ZFPM2: variants seen among roughly 807,000 people sequenced by gnomAD.
ZFPM2 encodes the protein zinc finger protein, FOG family member 2.
A neutral mutation model predicts 98.6 loss-of-function variants in ZFPM2; 20 were observed. That is an observed-to-expected ratio of 0.20 (90% CI 0.14 to 0.29). The LOEUF (loss-of-function observed/expected upper bound fraction) is 0.29, where lower values mean the gene tolerates loss of function less well. Among genes scored for constraint, ZFPM2 ranks in the 10% least tolerant of loss-of-function variants. The pLI is 1.00. For missense variants in ZFPM2, 1,310 were observed against 1,388.6 expected, an observed-to-expected ratio of 0.94 and a Z score of 0.90; for synonymous variants, 518 against 502.7, an observed-to-expected ratio of 1.03 and a Z score of -0.41.
chr8:105,399,169 T>C (rs1811284334), intron 1 of ZFPM2, among the ~76,000 whole-genome samples: 1 of 152,136 alleles, frequency 6.6e-6, no homozygotes, highest in Non-Finnish European at 1.5e-5. Flanking sequence ...TTGTGGGCCA[T>C]GATATAGATT....
At chr8:105,511,983 TA>T (rs1183804204) in intron 3 of ZFPM2, among the ~76,000 whole-genome samples, 1 of 152,058 alleles carries the variant, frequency 6.6e-6, no homozygotes, top group African/African-American at 2.4e-5. Flanking sequence ...CCATCTCTAC[TA>T]AAAATACAAA....
chr8:105,635,909 A>G (rs1166471012), intron 5 of ZFPM2, among the ~76,000 whole-genome samples: 1 of 152,136 alleles, frequency 6.6e-6, no homozygotes, highest in Admixed American at 6.6e-5. Flanking sequence ...AGAGTGTTTC[A>G]GATTTCAGAT....
intron 5 of ZFPM2, among the ~76,000 whole-genome samples, chr8:105,705,052 G>T (rs1165147723): frequency 6.6e-6 from 1 of 152,058 alleles, no homozygotes; most frequent in Non-Finnish European, 1.5e-5. Flanking sequence ...ATATAATTAA[G>T]GGATTATGTT....
chr8:105,682,817 A>G (rs1264603032), intron 5 of ZFPM2, among the ~76,000 whole-genome samples: 3 of 152,138 alleles, frequency 2.0e-5, no homozygotes, highest in Admixed American at 2.0e-4. Flanking sequence ...CCCACTTCAC[A>G]TAAGTAGTTT....
intron 3 of ZFPM2, among the ~76,000 whole-genome samples, chr8:105,484,186 A>G (rs1813181280): frequency 6.6e-6 from 1 of 152,100 alleles, no homozygotes; most frequent in Admixed American, 6.5e-5. Context: ...AGCTTTAGAC[A>G]TTATTTCTTC....
intron 6 of ZFPM2, chr8:105,797,246 A>C (rs1275196742): frequency 6.6e-6 from 1 of 151,444 alleles, no homozygotes; most frequent in African/African-American, 2.5e-5. Context: ...TGAAGGGGGA[A>C]AAAACACACG....
chr8:105,354,846 C>T (rs557415524), intron 1 of ZFPM2, among the ~76,000 whole-genome samples: 2 of 152,078 alleles, frequency 1.3e-5, no homozygotes, highest in South Asian at 2.1e-4. Flanking sequence ...CCCACCTACT[C>T]GGGAGGCTGA....
intron 5 of ZFPM2, among the ~76,000 whole-genome samples, chr8:105,687,145 T>C (rs1345745905): frequency 6.6e-6 from 1 of 152,182 alleles, no homozygotes; most frequent in Non-Finnish European, 1.5e-5. Context: ...AACATGACTG[T>C]GGAAGCCACA....
At chr8:105,464,031 G>A (rs117708370) in intron 3 of ZFPM2, among the ~76,000 whole-genome samples, 3,762 of 152,058 alleles carry the variant, frequency 0.025, 66 homozygotes, top group Middle Eastern at 0.041. Flanking sequence ...TGAGGGCTTC[G>A]CAGTTTTGCA....
intron 3 of ZFPM2, among the ~76,000 whole-genome samples, chr8:105,536,740 C>A (rs1323460486): frequency 2.6e-5 from 4 of 152,062 alleles, no homozygotes; most frequent in African/African-American, 7.2e-5. Flanking sequence ...AGCATGGGGG[C>A]AGTCAGGGAA....
chr8:105,502,471 T>C (rs1031690676), intron 3 of ZFPM2, among the ~76,000 whole-genome samples: 1 of 152,082 alleles, frequency 6.6e-6, no homozygotes, highest in Non-Finnish European at 1.5e-5. Context: ...AAGTAGTGGC[T>C]ATCCCTAAAA....
At chr8:105,534,405 TCC>T (rs1025400328) in intron 3 of ZFPM2, among the ~76,000 whole-genome samples, 8 of 122,260 alleles carry the variant, frequency 6.5e-5, no homozygotes, top group African/African-American at 3.0e-4. Context: ...TTCCTACCTT[TCC>T]TTCCTTCCTT....
chr8:105,696,306 A>G (rs1209895016), intron 5 of ZFPM2, among the ~76,000 whole-genome samples: 1 of 152,178 alleles, frequency 6.6e-6, no homozygotes, highest in African/African-American at 2.4e-5. Context: ...TCTTTTAAGA[A>G]TCCTTCACTT....
chr8:105,794,765 C>G (rs1488490840), intron 6 of ZFPM2, among the ~76,000 whole-genome samples: 2 of 152,218 alleles, frequency 1.3e-5, no homozygotes, highest in Admixed American at 6.5e-5. Context: ...CTTTGTTTAC[C>G]TAAGCAAGCC....
intron 5 of ZFPM2, among the ~76,000 whole-genome samples, chr8:105,644,831 C>T (rs929102200): frequency 6.6e-6 from 1 of 152,094 alleles, no homozygotes; most frequent in African/African-American, 2.4e-5. Flanking sequence ...TGTGTACACT[C>T]ATCCCATTAT....
chr8:105,787,841 G>A lies in ZFPM2; in HGVS notation c.533-877G>A, dbSNP rs552807165. Reference sequence around the variant, plus strand: ...AGAGTGTAGATAACAAAATATAAGTGCTTTGCCTGTCTAAACATGTTAAAT... The same window carrying A: ...AGAGTGTAGATAACAAAATATAAGTACTTTGCCTGTCTAAACATGTTAAAT... On this transcript the variant is annotated intron_variant, in intron 5 of 7. Coordinates refer to ENST00000407775, the MANE Select transcript of ZFPM2 (RefSeq NM_012082.4). Among the ~76,000 whole-genome samples the A allele has an allele frequency of 2.6e-5, 4 of 152,122 alleles. No homozygotes were observed. In the South Asian group the frequency reaches 8.3e-4, roughly 32 times the overall value.
At chr8:105,427,138 C>T (rs921684644) in intron 2 of ZFPM2, among the ~76,000 whole-genome samples, 1 of 151,970 alleles carries the variant, frequency 6.6e-6, no homozygotes, top group Non-Finnish European at 1.5e-5. Flanking sequence ...GGAGAGCATG[C>T]GAAGGAACTC....
At chr8:105,421,498 T>G (rs1359420423) in intron 2 of ZFPM2, among the ~76,000 whole-genome samples, 1 of 152,156 alleles carries the variant, frequency 6.6e-6, no homozygotes, top group Non-Finnish European at 1.5e-5. Context: ...TCTTGCAGAA[T>G]GTGTGACCAG....
chr8:105,646,801 A>G (rs879700698), intron 5 of ZFPM2, among the ~76,000 whole-genome samples: 3 of 151,792 alleles, frequency 2.0e-5, no homozygotes, highest in Non-Finnish European at 4.4e-5. Flanking sequence ...TGCGTTGGGG[A>G]AGTCCTGTCT....
Sources: allele counts gnomAD v4.1 joint callset (sites outside exome capture counted in the v4.1 genomes callset), GRCh38; gene constraint gnomAD v4.1.1; transcripts MANE v1.5; gene names NCBI Gene and HGNC (gene_info 2026-07-23, HGNC 2026-07-21).